The following CATSPERE variants were observed in gnomAD, a reference collection of about 807,000 sequenced individuals.
CATSPERE encodes the protein cation channel sperm-associated auxiliary subunit epsilon.
A neutral mutation model predicts 114.1 loss-of-function variants in CATSPERE; 93 were observed. The observed-to-expected ratio is 0.81, with a 90% confidence interval of 0.69 to 0.97. The LOEUF (loss-of-function observed/expected upper bound fraction) is 0.97, where lower values mean the gene tolerates loss of function less well. CATSPERE is among the 50% of genes least tolerant of loss of function. The pLI, the probability that CATSPERE is intolerant of heterozygous loss-of-function variation, is 0.00. For missense variants in CATSPERE, 1,058 were observed against 1,131.6 expected (o/e 0.93, Z 0.93); for synonymous variants, 341 against 384.1 (o/e 0.89, Z 1.31).
chr1:244,456,016 C>T (rs1044989752), intron 1 of CATSPERE, among the ~76,000 whole-genome samples: 1 of 152,218 alleles, frequency 6.6e-6, no homozygotes, highest in Middle Eastern at 3.4e-3. Flanking sequence ...CGGAGGCATA[C>T]TTGGCTCTTC....
At chr1:244,558,650 T>C (rs573493393) in intron 9 of CATSPERE, among the ~76,000 whole-genome samples, 1 of 152,318 alleles carries the variant, frequency 6.6e-6, no homozygotes, top group South Asian at 2.1e-4. Flanking sequence ...GCTTTACAAC[T>C]TAGCTTCCAG....
rs535481273 is a variant in CATSPERE, at chr1:244,517,709, G to A, written c.430-883G>A. 3.3e-5 allele frequency among the ~76,000 whole-genome samples: 5 copies of A among 151,500 alleles called. No individual in the cohort carries two copies. In the South Asian group the frequency reaches 1.0e-3, roughly 31 times the overall value. On this transcript the variant is annotated intron_variant, in intron 7 of 21. Coordinates refer to ENST00000366534, the MANE Select transcript of CATSPERE (RefSeq NM_001130957.2). The stretch of plus-strand genomic sequence containing the variant: ...AATCGCTTGAACCCAGGAGGTAGAG[G>A]TTGCAGTGAGCCGAGATTGTGCCAT...
intron 5 of CATSPERE, among the ~76,000 whole-genome samples, chr1:244,482,653 G>C (rs1670443294): frequency 6.6e-6 from 1 of 151,878 alleles, no homozygotes; most frequent in African/African-American, 2.4e-5. Context: ...GCTAGAAAGA[G>C]TACATAAAGA....
intron 5 of CATSPERE, among the ~76,000 whole-genome samples, chr1:244,487,521 A>C (rs890217491): frequency 6.6e-6 from 1 of 152,106 alleles, no homozygotes; most frequent in African/African-American, 2.4e-5. Flanking sequence ...CAAGATGAGT[A>C]AGCCACGCCA....
rs1353132583 is a variant in CATSPERE, at chr1:244,490,526, C to A, written c.351+55C>A. The A allele has an allele frequency of 2.9e-6, 3 of 1,041,578 alleles. No individual in the cohort carries two copies. In the Admixed American group the frequency reaches 6.4e-5, roughly 22 times the overall value. The allele number at this position is 1,041,578 out of a possible 1,614,324, so 64.5% of individuals were successfully genotyped here. ...TTCATATATCACTAGTATATTGTTT[C>A]TCTCTTATCTTCCATATTTACCAGA... On this transcript the variant is annotated intron_variant, in intron 6 of 21. Transcript: ENST00000366534.
At chr1:244,517,918 A>ACTGC in intron 7 of CATSPERE, among the ~76,000 whole-genome samples, 1 of 150,906 alleles carries the variant, frequency 6.6e-6, no homozygotes, top group African/African-American at 2.5e-5. Flanking sequence ...TAACAATCTT[A>ACTGC]AAGGTTCCTT....
intron 20 of CATSPERE, among the ~76,000 whole-genome samples, chr1:244,621,980 T>C (rs1672456339): frequency 6.6e-6 from 1 of 152,188 alleles, no homozygotes; most frequent in Non-Finnish European, 1.5e-5. Flanking sequence ...TAACCGTAAA[T>C]AATCACAAAT....
At chr1:244,611,011 C>T (rs1011451229) in intron 19 of CATSPERE, among the ~76,000 whole-genome samples, 3 of 152,186 alleles carry the variant, frequency 2.0e-5, no homozygotes, top group African/African-American at 7.2e-5. Flanking sequence ...CCACCTGCCT[C>T]AGCCTCCCAA....
intron 8 of CATSPERE, among the ~76,000 whole-genome samples, chr1:244,545,639 G>A (rs955784839): frequency 6.6e-6 from 1 of 152,288 alleles, no homozygotes; most frequent in South Asian, 2.1e-4. Flanking sequence ...CTACTATTGG[G>A]CTTTAGCAGA....
At chr1:244,599,196 C>G (rs915014064) in intron 17 of CATSPERE, among the ~76,000 whole-genome samples, 1 of 152,170 alleles carries the variant, frequency 6.6e-6, no homozygotes, top group African/African-American at 2.4e-5. Context: ...AAAATGTAAT[C>G]AGATACAGTT....
intron 17 of CATSPERE, among the ~76,000 whole-genome samples, chr1:244,595,285 A>G (rs149637841): frequency 1.9e-4 from 29 of 152,332 alleles, no homozygotes; most frequent in Admixed American, 3.9e-4. Flanking sequence ...GTGGGTGGAT[A>G]GTATTGAAAC....
chr1:244,579,299 TTCTC>T (rs1448148285), intron 11 of CATSPERE, among the ~76,000 whole-genome samples: 30 of 152,212 alleles, frequency 2.0e-4, no homozygotes, highest in African/African-American at 6.3e-4. Flanking sequence ...TTGTTTATAT[TTCTC>T]TCAACTGCAA....
chr1:244,591,585 C>T (rs1667726450), intron 14 of CATSPERE, 96 bp from the exon 15 acceptor site: 2 of 676,826 alleles, frequency 3.0e-6, no homozygotes, highest in Admixed American at 3.0e-5. Context: ...TTCTCTGACA[C>T]TCTCCTGTTT....
At chr1:244,466,851 C>T (rs961925390) in intron 2 of CATSPERE, among the ~76,000 whole-genome samples, 2 of 152,168 alleles carry the variant, frequency 1.3e-5, no homozygotes, top group Non-Finnish European at 2.9e-5. Context: ...AAAGATGGGA[C>T]AGAGGCCTTC....
chr1:244,451,946 G>A, upstream of CATSPERE: 5 of 974,452 alleles, frequency 5.1e-6, no homozygotes, highest in Non-Finnish European at 7.1e-6. The surrounding 1 kb of genome is among the most constrained non-coding windows in gnomAD (Gnocchi z 6.6). Context: ...CCCCCGCCCC[G>A]CCGGGCCGCC....
At chr1:244,451,542 G>T, upstream of CATSPERE, 2 of 1,377,356 alleles carry the variant, frequency 1.5e-6, no homozygotes, top group Non-Finnish European at 1.9e-6. This position sits in a 1 kb window ranked among gnomAD's most constrained non-coding sequence, Gnocchi z 6.6. Flanking sequence ...TTGGCCAGTG[G>T]ATCCGGGTTC....
chr1:244,611,577 A>G (rs1012152396), intron 19 of CATSPERE, among the ~76,000 whole-genome samples: 4 of 152,160 alleles, frequency 2.6e-5, no homozygotes, highest in African/African-American at 9.7e-5. Flanking sequence ...CCAGGGTGAC[A>G]CAGTGAGACC....
At chr1:244,585,907 C>T (rs1220418122) in intron 13 of CATSPERE, among the ~76,000 whole-genome samples, 1 of 152,182 alleles carries the variant, frequency 6.6e-6, no homozygotes, top group African/African-American at 2.4e-5. Flanking sequence ...TAAATCCTTC[C>T]GAGATGAACT....
intron 7 of CATSPERE, among the ~76,000 whole-genome samples, chr1:244,510,109 C>T (rs1166322158): frequency 3.3e-5 from 5 of 151,880 alleles, no homozygotes; most frequent in African/African-American, 1.2e-4. Flanking sequence ...TTTCTTTCTA[C>T]TAATTTTGGG....
Sources: gnomAD v4.1 joint callset for allele counts (sites outside exome capture counted in the v4.1 genomes callset) on GRCh38, gnomAD v4.1.1 for gene constraint, Gnocchi (gnomAD v3.1) non-coding constraint, MANE v1.5 for transcripts, NCBI Gene and HGNC (gene_info 2026-07-23, HGNC 2026-07-21) for gene names.